The following RGL1 variants were observed in gnomAD, a reference collection of about 807,000 sequenced individuals.
RGL1 encodes the protein ral guanine nucleotide dissociation stimulator like 1, also known as ral guanine nucleotide dissociation stimulator-like 1.
Under a neutral mutation model 95.2 loss-of-function variants are expected in RGL1, and 24 were observed. That is an observed-to-expected ratio of 0.25 (90% CI 0.18 to 0.35). The LOEUF is 0.35. Ranked by LOEUF, RGL1 falls within the 10% of genes least tolerant of loss-of-function variation. The pLI is 1.00. For missense variants in RGL1, 715 were observed against 936.3 expected (o/e 0.76, Z 3.08); for synonymous variants, 329 against 344.9 (o/e 0.95, Z 0.51).
intron 1 of RGL1, among the ~76,000 whole-genome samples, chr1:183,717,989 G>T (rs1572325702): frequency 6.6e-6 from 1 of 152,296 alleles, no homozygotes; most frequent in East Asian, 1.9e-4. Context: ...GCTCACGCCT[G>T]TAATTCCAGC....
At position 183,684,463 on chromosome 1, in the gene RGL1, C is replaced by T. The variant is rs577395462; in HGVS notation, c.-33+47962C>T. Among the ~76,000 whole-genome samples, 31 of 152,270 alleles carry T rather than the reference C, an allele frequency of 2.0e-4. No homozygotes were observed. In the South Asian group the frequency reaches 3.5e-3, roughly 17 times the overall value. ...TCCACCAAGCTCGAGCGTCCCAGGT[C>T]GACTCCAGACTGCTGTGCTGGCAGC... On this transcript the variant is annotated intron_variant, in intron 1 of 18. Coordinates refer to the RGL1 transcript ENST00000304685.
chr1:183,675,049 C>T (rs1391578657), intron 1 of RGL1, among the ~76,000 whole-genome samples: 1 of 152,196 alleles, frequency 6.6e-6, no homozygotes, highest in Non-Finnish European at 1.5e-5. Context: ...CCAATCTCAG[C>T]TCTTCTGTTC....
upstream of RGL1, among the ~76,000 whole-genome samples, chr1:183,800,680 C>A (rs536110716): frequency 1.1e-4 from 16 of 152,172 alleles, no homozygotes; most frequent in South Asian, 2.1e-4. Context: ...CAGCCCCAGG[C>A]AATCACCATT....
intron 4 of RGL1, among the ~76,000 whole-genome samples, chr1:183,867,498 C>A (rs553332539): frequency 1.3e-5 from 2 of 152,038 alleles, no homozygotes; most frequent in African/African-American, 4.8e-5. Flanking sequence ...GGTGACTTGA[C>A]AAGTGCAGTT....
chr1:183,690,201 G>T (rs1653857546), intron 1 of RGL1, among the ~76,000 whole-genome samples: 2 of 152,156 alleles, frequency 1.3e-5, no homozygotes, highest in Non-Finnish European at 2.9e-5. Context: ...TACTCTGGGA[G>T]ACCACAGACA....
At chr1:183,857,731 GA>G (rs978350169) in intron 3 of RGL1, among the ~76,000 whole-genome samples, 46 of 152,322 alleles carry the variant, frequency 3.0e-4, no homozygotes, top group African/African-American at 1.0e-3. Context: ...TTACCTGAGG[GA>G]AAATGGAAAT....
intron 2 of RGL1, among the ~76,000 whole-genome samples, chr1:183,789,597 A>G (rs1022846869): frequency 6.6e-6 from 1 of 152,202 alleles, no homozygotes; most frequent in Non-Finnish European, 1.5e-5. Flanking sequence ...TTGGAATCAG[A>G]GTATATCAGA....
At chr1:183,756,388 G>C (rs887983665) in intron 2 of RGL1, among the ~76,000 whole-genome samples, 6 of 152,134 alleles carry the variant, frequency 3.9e-5, no homozygotes, top group African/African-American at 1.4e-4. Context: ...CTACCATTTA[G>C]AGCATCTGTA....
chr1:183,812,403 C>A (rs192007683), intron 2 of RGL1, among the ~76,000 whole-genome samples: 15 of 152,246 alleles, frequency 9.9e-5, no homozygotes, highest in African/African-American at 3.6e-4. Context: ...GTGTGAACTC[C>A]CTCGCTGCTG....
rs574880340 is a variant in RGL1, at chr1:183,641,136, A to AT, written c.-33+4643dup. On this transcript the variant is annotated intron_variant, in intron 1 of 18. Coordinates refer to the RGL1 transcript ENST00000304685. The stretch of plus-strand genomic sequence containing the variant: ...TATATTTTGTTTATATGGTTTCAGA[A>AT]TTTTTTTTAAATAATTGCCACAAGA... Among the ~76,000 whole-genome samples, 5 of 152,088 alleles carry AT rather than the reference A, an allele frequency of 3.3e-5. No homozygotes were observed. In the South Asian group the frequency reaches 6.2e-4, roughly 19 times the overall value.
At chr1:183,661,574 C>A (rs199619074) in intron 1 of RGL1, among the ~76,000 whole-genome samples, 13 of 149,130 alleles carry the variant, frequency 8.7e-5, no homozygotes, top group Non-Finnish European at 1.2e-4. Flanking sequence ...CAATAGCTTA[C>A]CAACGAAAAA....
At chr1:183,900,094 A>T (rs1245241265) in intron 10 of RGL1, 56 bp from the exon 11 acceptor site, 13 of 1,446,428 alleles carry the variant, frequency 9.0e-6, no homozygotes, top group Non-Finnish European at 1.2e-5. Context: ...AAGATTCCTA[A>T]AACCCCTCAA....
At chr1:183,923,906 A>G (rs959208045) in intron 17 of RGL1, among the ~76,000 whole-genome samples, 10 of 152,114 alleles carry the variant, frequency 6.6e-5, no homozygotes, top group Non-Finnish European at 1.0e-4. Context: ...TTAAGACTCA[A>G]TTTGTCCAGT....
In RGL1 at chr1:183,850,927, A is replaced by G. The variant is rs567295661; in HGVS notation, c.347+3153A>G. On this transcript the variant is annotated intron_variant, in intron 3 of 17. Transcript: ENST00000360851. ...AATAGGCCACAGATATCCACAGTCAATAAAGGAGTGCACGTAAATTCCAGC... is the reference window on the plus strand; with the variant it reads ...AATAGGCCACAGATATCCACAGTCAGTAAAGGAGTGCACGTAAATTCCAGC... 2.0e-4 allele frequency among the ~76,000 whole-genome samples: 30 copies of G among 152,360 alleles called. 1 individual carries two copies. Among genetic ancestry groups the G allele is most frequent in the African/African-American group, 6.3e-4 (26 of 41,584 alleles).
chr1:183,688,126 C>T (rs1003983985), intron 1 of RGL1, among the ~76,000 whole-genome samples: 2 of 152,060 alleles, frequency 1.3e-5, no homozygotes, highest in Non-Finnish European at 2.9e-5. Context: ...AATTATAAAG[C>T]ACAATACAAG....
chr1:183,901,522 C>T (rs909225535), intron 11 of RGL1, among the ~76,000 whole-genome samples: 1 of 151,892 alleles, frequency 6.6e-6, no homozygotes, highest in Non-Finnish European at 1.5e-5. Flanking sequence ...AACAAACAAA[C>T]AAAAAACCCC....
intron 1 of RGL1, among the ~76,000 whole-genome samples, chr1:183,728,903 C>T (rs1460218798): frequency 6.6e-6 from 1 of 152,116 alleles, no homozygotes; most frequent in Non-Finnish European, 1.5e-5. Context: ...ACCTTTTCAA[C>T]AAATGGTCTT....
intron 1 of RGL1, among the ~76,000 whole-genome samples, chr1:183,712,231 T>C (rs1655328209): frequency 6.6e-6 from 1 of 152,156 alleles, no homozygotes; most frequent in Non-Finnish European, 1.5e-5. Context: ...GACTGGCATG[T>C]GGTTTTTATT....
chr1:183,648,080 G>A (rs576673661), intron 1 of RGL1: 13 of 1,614,086 alleles, frequency 8.1e-6, no homozygotes, highest in South Asian at 4.4e-5. Flanking sequence ...AAGGTTTTAC[G>A]CCTGTTATGG....
Sources: allele counts gnomAD v4.1 joint callset (sites outside exome capture counted in the v4.1 genomes callset), GRCh38; gene constraint gnomAD v4.1.1; transcripts MANE v1.5; gene names NCBI Gene and HGNC (gene_info 2026-07-23, HGNC 2026-07-21).